Variants in HNMT observed in about 807,000 individuals in gnomAD.
HNMT encodes the protein histamine N-methyltransferase.
In HNMT, 30 loss-of-function variants were observed where a neutral mutation model predicts 32.1. The observed-to-expected ratio is 0.93, with a 90% CI of 0.70 to 1.27. The LOEUF (loss-of-function observed/expected upper bound fraction) is 1.27. HNMT is among the 50% of genes most tolerant of loss of function. The probability of loss-of-function intolerance (pLI) is 0.00; values close to 1 mark genes in which losing one functional copy is unlikely to be tolerated. For missense variants in HNMT, 327 were observed against 346.0 expected, an observed-to-expected ratio of 0.95 and a Z score of 0.43; for synonymous variants, 125 against 119.0, an observed-to-expected ratio of 1.05 and a Z score of -0.33.
intron 4 of HNMT, among the ~76,000 whole-genome samples, chr2:138,003,455 A>G (rs186100918): frequency 6.6e-6 from 1 of 152,262 alleles, no homozygotes; most frequent in Admixed American, 6.5e-5. Context: ...GAATAAACTT[A>G]CAAGAAGTCA....
rs529239935 is a variant in HNMT at position 137,995,830 on chromosome 2, C to T, written c.191-5088C>T. On this transcript the variant is annotated intron_variant, in intron 2 of 5. Coordinates refer to ENST00000280097, the MANE Select transcript of HNMT (RefSeq NM_006895.3). ...AAAAAATTATCCACCACAATCAAGTCAGCTTCATCCCTGGGATGCAAGGCT... is the reference window on the plus strand; with the variant it reads ...AAAAAATTATCCACCACAATCAAGTTAGCTTCATCCCTGGGATGCAAGGCT... Among the ~76,000 whole-genome samples the T allele has an allele frequency of 1.0e-3, 154 of 152,122 alleles. 1 individual carries two copies. The highest frequency in any genetic ancestry group is 3.2e-3 in the African/African-American group (133 of 41,530).
chr2:138,003,077 T>C (rs7569778), intron 4 of HNMT, among the ~76,000 whole-genome samples: 116,587 of 118,856 alleles, frequency 0.98, 57,222 homozygotes, highest in East Asian at 1. Flanking sequence ...CACTCTGGGG[T>C]CTGTTGTGGG....
At chr2:137,987,764 A>G (rs1680692296) in intron 2 of HNMT, among the ~76,000 whole-genome samples, 1 of 152,110 alleles carries the variant, frequency 6.6e-6, no homozygotes, top group Admixed American at 6.5e-5. Flanking sequence ...TTTTTAACAA[A>G]CTTGTTGGAA....
chr2:137,971,779 A>G (rs1312209825), intron 2 of HNMT, among the ~76,000 whole-genome samples: 2 of 149,674 alleles, frequency 1.3e-5, no homozygotes, highest in African/African-American at 4.9e-5. Flanking sequence ...ACTTTTCCTA[A>G]TATCAACTCC....
intron 2 of HNMT, among the ~76,000 whole-genome samples, chr2:137,984,600 AATT>A (rs1680597221): frequency 6.6e-6 from 1 of 152,178 alleles, no homozygotes. Flanking sequence ...TAGCATGCAA[AATT>A]CCCAAATTAG....
In HNMT at chr2:138,015,032, C is replaced by T. The variant is rs376078510; in HGVS notation, c.*902C>T. 4 of 151,812 alleles carry T rather than the reference C, an allele frequency of 2.6e-5. No homozygotes were observed. The highest frequency in any genetic ancestry group is 3.9e-4 in the East Asian group (2 of 5,178). The allele number at this position is 151,812 out of a possible 1,614,324, so 9.4% of individuals were successfully genotyped here. ...TTCTAGCTTAAAATGCAGCTTTTAC[C>T]AGATTTCTAGGAATTGGGTAAATGC... is the stretch of plus-strand genomic sequence containing the variant. On this transcript the variant is annotated 3_prime_UTR_variant, in exon 6 of 6. Transcript: ENST00000280097.
At chr2:137,970,938 AAAG>A (rs1325107318) in intron 2 of HNMT, among the ~76,000 whole-genome samples, 14 of 10,234 alleles carry the variant, frequency 1.4e-3, no homozygotes, top group African/African-American at 1.6e-3. Flanking sequence ...AAAAAAAAAG[AAAG>A]AAAGAAAGAA....
At chr2:138,013,160 C>T (rs1681560603) in intron 5 of HNMT, among the ~76,000 whole-genome samples, 1 of 152,134 alleles carries the variant, frequency 6.6e-6, no homozygotes, top group Admixed American at 6.5e-5. Context: ...TTCAAGTGCT[C>T]CATAGCAACA....
intron 2 of HNMT, among the ~76,000 whole-genome samples, chr2:137,980,057 A>G (rs1418571071): frequency 6.8e-6 from 1 of 146,126 alleles, no homozygotes; most frequent in Non-Finnish European, 1.5e-5. Context: ...TTTTTTTGAG[A>G]CAGAGTCTCC....
chr2:137,993,950 C>T (rs899444967), intron 2 of HNMT, among the ~76,000 whole-genome samples: 2 of 152,128 alleles, frequency 1.3e-5, no homozygotes, highest in Non-Finnish European at 2.9e-5. Flanking sequence ...AAATAAAATC[C>T]TTTCCAGACA....
At chr2:138,009,497 TG>T (rs1298153765) in intron 5 of HNMT, among the ~76,000 whole-genome samples, 1 of 152,072 alleles carries the variant, frequency 6.6e-6, no homozygotes, top group East Asian at 1.9e-4. Flanking sequence ...TAAATTGTTT[TG>T]CCCCCCTCAG....
At chr2:137,974,514 T>A (rs551706589) in intron 2 of HNMT, among the ~76,000 whole-genome samples, 1 of 152,278 alleles carries the variant, frequency 6.6e-6, no homozygotes, top group East Asian at 1.9e-4. Context: ...ATGCTATTAA[T>A]TTACAGTGCA....
rs779617692 is a variant in HNMT at position 137,970,933 on chromosome 2, AAAAGAAAGAAAG to A, written c.190+744_190+755del. Among the ~76,000 whole-genome samples, 233 of 86,690 alleles carry A rather than the reference AAAAGAAAGAAAG, an allele frequency of 2.7e-3. 23 individuals are homozygous for A. Among genetic ancestry groups the A allele is most frequent in the East Asian group, 0.015 (37 of 2,542 alleles). The allele number at this position is 86,690 out of a possible 152,430, so 56.9% of individuals were successfully genotyped here. A position where few individuals can be genotyped will look rare whatever the true frequency, so the allele number is the denominator to read the frequency against. Reference sequence around the variant, plus strand: ...AGACTACGTCTCAAAAAAAAAAAAAAAAAGAAAGAAAGAAAGAAAGAAAGAAAGAAAGAAAGA... The same window carrying A: ...AGACTACGTCTCAAAAAAAAAAAAAAAAAGAAAGAAAGAAAGAAAGAAAGA... On this transcript the variant is annotated intron_variant, in intron 2 of 5. Coordinates refer to ENST00000280097, the MANE Select transcript of HNMT (RefSeq NM_006895.3).
chr2:137,967,340 C>T, intron 1 of HNMT: 3 of 512,938 alleles, frequency 5.8e-6, no homozygotes, highest in South Asian at 6.0e-5. Context: ...GAGATCGAGG[C>T]TTCAGTGAGA....
In HNMT at chr2:137,993,804, A is replaced by G. The variant is rs1029991502; in HGVS notation, c.191-7114A>G. ...CCAGGTCACCTACAAAGGGAAACCC[A>G]TCAGACTGACAGACCTCTCAGCAGA... On this transcript the variant is annotated intron_variant, in intron 2 of 5. Transcript: ENST00000280097. Among the ~76,000 whole-genome samples, 8 of 152,342 alleles carry G rather than the reference A, an allele frequency of 5.3e-5. No individual in the cohort carries two copies. In the East Asian group the frequency reaches 1.4e-3, roughly 26 times the overall value.
At chr2:138,008,658 A>G (rs1178769158) in intron 5 of HNMT, among the ~76,000 whole-genome samples, 1 of 152,092 alleles carries the variant, frequency 6.6e-6, no homozygotes, top group Non-Finnish European at 1.5e-5. Context: ...CAAAGCTGAC[A>G]AAAACAAGCA....
At chr2:137,971,706 T>G (rs2104927969) in intron 2 of HNMT, among the ~76,000 whole-genome samples, 1 of 152,324 alleles carries the variant, frequency 6.6e-6, no homozygotes, top group East Asian at 1.9e-4. Context: ...TAGGACATTC[T>G]TATTGCTCCT....
At chr2:137,984,289 A>C (rs1680587274) in intron 2 of HNMT, among the ~76,000 whole-genome samples, 1 of 152,216 alleles carries the variant, frequency 6.6e-6, no homozygotes, top group Non-Finnish European at 1.5e-5. Context: ...AAGTATTACC[A>C]AATTAGTCCC....
At chr2:137,972,812 ATCTC>A (rs1680176070) in intron 2 of HNMT, among the ~76,000 whole-genome samples, 1 of 152,230 alleles carries the variant, frequency 6.6e-6, no homozygotes, top group Non-Finnish European at 1.5e-5. Context: ...ATTAAAAACA[ATCTC>A]TATCATGGCC....
Sources: allele counts gnomAD v4.1 joint callset (sites outside exome capture counted in the v4.1 genomes callset), GRCh38; gene constraint gnomAD v4.1.1; transcripts MANE v1.5; gene names NCBI Gene and HGNC (gene_info 2026-07-23, HGNC 2026-07-21).